IQGAP3: variants seen among roughly 807,000 people sequenced by gnomAD.
IQGAP3 encodes the protein IQ motif containing GTPase activating protein 3.
Under a neutral mutation model 208.2 loss-of-function variants are expected in IQGAP3, and 165 were observed. That is an observed-to-expected ratio of 0.79 (90% CI 0.70 to 0.90). The LOEUF (loss-of-function observed/expected upper bound fraction) is 0.90. Ranked by LOEUF, IQGAP3 falls within the 40% of genes least tolerant of loss-of-function variation. IQGAP3 has a pLI of 0.00. For missense variants in IQGAP3, 1,811 were observed against 2,043.1 expected (o/e 0.89, Z 2.19); for synonymous variants, 703 against 803.6 (o/e 0.87, Z 2.12).
Position 156,539,411 on chromosome 1 carries a change from GCAGGA to G in IQGAP3, c.3014_3018del (p.Leu1005ProfsTer39). On this transcript the variant is annotated frameshift_variant, in exon 25 of 38. Coordinates refer to ENST00000361170, the MANE Select transcript of IQGAP3 (RefSeq NM_178229.5). LOFTEE classifies it high-confidence loss of function. ...TGGAGTGCTGTCTTGAACAGCTGGA[GCAGGA>G]GATAGGCCTCTCGGCGGCTGGAGGC... 1 of 1,614,114 alleles carries G rather than the reference GCAGGA, an allele frequency of 6.2e-7. No homozygotes were observed. Among genetic ancestry groups the G allele is most frequent in the Non-Finnish European group, 8.5e-7 (1 of 1,180,012 alleles).
intron 34 of IQGAP3, 44 bp downstream of exon 34, chr1:156,530,061 C>CAT: frequency 2.7e-6 from 4 of 1,458,532 alleles, no homozygotes; most frequent in Non-Finnish European, 3.8e-6. Flanking sequence ...CGCACACACA[C>CAT]ACACGTACAC....
rs769402212 is a variant in IQGAP3 at position 156,544,408 on chromosome 1, T to C, written c.2369A>G (p.Asn790Ser). 3.7e-6 allele frequency: 6 copies of C among 1,613,810 alleles called. No individual in the cohort carries two copies. The highest frequency in any genetic ancestry group is 8.5e-7 in the Non-Finnish European group (1 of 1,179,856). Residue 790 changes from asparagine to serine, a missense_variant, in exon 20 of 38, where the codon AAC (asparagine) becomes AGC (serine). Physicochemically the swap from Asn to Ser is conservative, Grantham distance 46 (BLOSUM62 1). Coordinates refer to ENST00000361170, the MANE Select transcript of IQGAP3 (RefSeq NM_178229.5). ...YLEWLQYFKANLDAIIKIQAW... is the reference protein window; with the variant it reads ...YLEWLQYFKASLDAIIKIQAW... ...AGCTACCTTGATTATGGCATCCAGG[T>C]TTGCTTTAAAATACTGCAACCACTC...
chr1:156,569,944 C>T lies in IQGAP3; in HGVS notation c.38-481G>A, dbSNP rs569671520. ...AGGCAGCCTCCTCCTGTGCTGGAGG[C>T]ATTACTTCTCTTTCCTCTGTAGCCA... On this transcript the variant is annotated intron_variant, in intron 1 of 37. Transcript: ENST00000361170. Among the ~76,000 whole-genome samples the T allele has an allele frequency of 1.2e-4, 19 of 152,294 alleles. No individual in the cohort carries two copies. The South Asian group carries it at 3.9e-3, about 32-fold the overall frequency.
In IQGAP3 at chr1:156,533,126, G is replaced by A. The variant is rs368182655; in HGVS notation, c.3977-20C>T. ...TCTCACCTGAGGTGTGGTGAGGAAT[G>A]AGAGGGAGACAGGCATACACACACA... On this transcript the variant is annotated intron_variant, in intron 31 of 37. Coordinates refer to ENST00000361170, the MANE Select transcript of IQGAP3 (RefSeq NM_178229.5). 3.7e-6 allele frequency: 6 copies of A among 1,613,402 alleles called. No individual in the cohort carries two copies. The African/African-American group carries it at 8.0e-5, about 22-fold the overall frequency.
chr1:156,562,809 G>A, intron 8 of IQGAP3, 144 bp from the exon 9 acceptor site: 1 of 790,118 alleles, frequency 1.3e-6, no homozygotes. Context: ...AGGAATTGTG[G>A]GGTCTAAAAC....
At chr1:156,548,899 C>T in intron 16 of IQGAP3, 151 bp from the exon 17 acceptor site, 2 of 722,710 alleles carry the variant, frequency 2.8e-6, no homozygotes, top group East Asian at 6.1e-5. Context: ...TGGACAGAGA[C>T]ACATGCATGA....
rs1284762616 is a variant in IQGAP3 at position 156,530,072 on chromosome 1, A to T, written c.4404+33T>A. The T allele has an allele frequency of 4.6e-6, 7 of 1,523,738 alleles. No individual in the cohort carries two copies. The South Asian group carries it at 8.3e-5, about 18-fold the overall frequency. The allele number at this position is 1,523,738 out of a possible 1,614,324, so 94.4% of individuals were successfully genotyped here. A position where few individuals can be genotyped will look rare whatever the true frequency, so the allele number is the denominator to read the frequency against. On this transcript the variant is annotated intron_variant, in intron 34 of 37. Coordinates refer to ENST00000361170, the MANE Select transcript of IQGAP3 (RefSeq NM_178229.5). ...TGCACGCACACACACACACGTACAC[A>T]CAGGCACACGGAGCCCAGGCCCAGG... is the stretch of plus-strand genomic sequence containing the variant.
intron 12 of IQGAP3, among the ~76,000 whole-genome samples, chr1:156,555,417 G>C (rs1348454452): frequency 6.6e-6 from 1 of 152,052 alleles, no homozygotes; most frequent in Non-Finnish European, 1.5e-5. Flanking sequence ...GTAGAGATGG[G>C]GTTTCGCCAT....
At chr1:156,563,012 T>C in intron 8 of IQGAP3, 122 bp downstream of exon 8, 2 of 805,988 alleles carry the variant, frequency 2.5e-6, no homozygotes, top group South Asian at 3.6e-5. Context: ...CACTGATAAA[T>C]TATGGTTTCT....
At chr1:156,543,921 C>G in intron 22 of IQGAP3, 60 bp downstream of exon 22, 1 of 1,457,668 alleles carries the variant, frequency 6.9e-7, no homozygotes, top group South Asian at 1.1e-5. Context: ...TCTAGACCTG[C>G]CTGGCTCTGT....
Position 156,527,295 on chromosome 1 carries a change from C to T in IQGAP3, c.4782+657G>A, listed in dbSNP as rs187726371. ...AGCAGTTCAAGACCAGCCTGACCAA[C>T]ATGGTGAAACCCCATCTCTACTAAA... On this transcript the variant is annotated intron_variant, in intron 37 of 37. Coordinates refer to ENST00000361170, the MANE Select transcript of IQGAP3 (RefSeq NM_178229.5). 3.1e-3 allele frequency among the ~76,000 whole-genome samples: 477 copies of T among 151,776 alleles called. 3 individuals carry two copies. Among genetic ancestry groups the T allele is most frequent in the African/African-American group, 0.011 (454 of 41,456 alleles).
rs185901217 is a variant in IQGAP3, at chr1:156,537,710, G to A, written c.3282-389C>T. ...AAAGCCTCCTGTGCCATCCAGAGCA[G>A]CCACCAGGATTGCCTGCTCGCCTCT... On this transcript the variant is annotated intron_variant, in intron 26 of 37. Transcript: ENST00000361170. Among the ~76,000 whole-genome samples the A allele has an allele frequency of 6.6e-5, 10 of 152,254 alleles. No individual in the cohort carries two copies. The East Asian group carries it at 1.9e-3, about 29-fold the overall frequency.
In IQGAP3 at chr1:156,534,750, C is replaced by G; in HGVS notation, c.3508-17G>C. On this transcript the variant is annotated splice_polypyrimidine_tract_variant and intron_variant, in intron 28 of 37. Transcript: ENST00000361170. Reference sequence around the variant, plus strand: ...CCCGACCACCTGAGGGCAAAGGAGACTCTCCCAGAAGTGTCCAGGGGCCGC... The same window carrying G: ...CCCGACCACCTGAGGGCAAAGGAGAGTCTCCCAGAAGTGTCCAGGGGCCGC... 1 of 1,504,198 alleles carries G rather than the reference C, an allele frequency of 6.6e-7. No homozygotes were observed. Among genetic ancestry groups the G allele is most frequent in the Non-Finnish European group, 8.9e-7 (1 of 1,125,190 alleles). 93.2% of individuals were successfully genotyped at this position (1,504,198 alleles called of 1,614,324 possible).
intron 12 of IQGAP3, among the ~76,000 whole-genome samples, chr1:156,556,166 T>C (rs1675812982): frequency 6.6e-6 from 1 of 152,304 alleles, no homozygotes; most frequent in Non-Finnish European, 1.5e-5. Flanking sequence ...AGAAGAACTA[T>C]GGATTGGGAT....
intron 19 of IQGAP3, among the ~76,000 whole-genome samples, chr1:156,546,082 T>G (rs1295615891): frequency 4.6e-5 from 7 of 152,156 alleles, no homozygotes; most frequent in African/African-American, 1.7e-4. Flanking sequence ...CCCTCAGGAC[T>G]CTTTCCTTTC....
intron 33 of IQGAP3, 105 bp downstream of exon 33, chr1:156,531,055 C>G: frequency 6.1e-6 from 5 of 813,646 alleles, no homozygotes; most frequent in Non-Finnish European, 1.1e-5. Context: ...GTGTCTGCTT[C>G]TGGCTGATGT....
At chr1:156,568,649 A>G (rs898218924) in intron 2 of IQGAP3, among the ~76,000 whole-genome samples, 1 of 152,176 alleles carries the variant, frequency 6.6e-6, no homozygotes, top group African/African-American at 2.4e-5. Flanking sequence ...CAGCCCCCCA[A>G]GTAGCTGGGA....
Position 156,572,496 on chromosome 1 carries a change from C to T in IQGAP3, c.34G>A (p.Ala12Thr). 1 of 1,611,252 alleles carries T rather than the reference C, an allele frequency of 6.2e-7. No homozygotes were observed. The highest frequency in any genetic ancestry group is 1.6e-4 in the Middle Eastern group (1 of 6,062). ...CTCTGACCCTCTCCGCACTCACAGG[C>T]TGCCCAGCCTGGGCCCGCTGCTCTC... Reference protein sequence around the residue: ...ERRAAGPGWAAYERLTAEEMD... With the variant: ...ERRAAGPGWATYERLTAEEMD... Residue 12 changes from alanine to threonine, a missense_variant, in exon 1 of 38, where the codon GCC becomes ACC. Transcript: ENST00000361170.
At chr1:156,529,695 C>T (rs916452881) in intron 34 of IQGAP3, among the ~76,000 whole-genome samples, 29 of 151,818 alleles carry the variant, frequency 1.9e-4, no homozygotes, top group East Asian at 1.9e-4. Flanking sequence ...CCAAGATGGG[C>T]GGACCCTGAG....
Sources: gnomAD v4.1 joint callset for allele counts (sites outside exome capture counted in the v4.1 genomes callset) on GRCh38, gnomAD v4.1.1 for gene constraint, MANE v1.5 for transcripts, NCBI Gene and HGNC (gene_info 2026-07-23, HGNC 2026-07-21) for gene names.